Variants in CACNA1F observed in about 807,000 individuals in gnomAD.
CACNA1F encodes voltage-dependent L-type calcium channel subunit alpha-1F.
In CACNA1F, 59 loss-of-function variants were observed where a neutral mutation model predicts 143.8. That is an observed-to-expected ratio of 0.41 (90% confidence interval 0.33 to 0.51). The LOEUF (loss-of-function observed/expected upper bound fraction) is 0.51. Ranked by LOEUF, CACNA1F falls within the 20% of genes least tolerant of loss-of-function variation. CACNA1F has a pLI of 0.22. For synonymous variants in CACNA1F, 643 were observed against 649.1 expected, an observed-to-expected ratio of 0.99 and a Z score of 0.14; for missense variants, 1,411 against 1,647.5, an observed-to-expected ratio of 0.86 and a Z score of 2.48.
Position 49,206,553 on chromosome X carries a change from G to T in CACNA1F, c.5430C>A (p.Gly1810=). Residue 1810 remains glycine, a synonymous_variant, in exon 46 of 48, where the codon GGC becomes GGA. Coordinates refer to ENST00000323022, the MANE Select transcript of CACNA1F (RefSeq NM_001256789.3). The part of the protein sequence containing the change: ...QGSCEDLPIP[G]TYHRGRNSGP... Reference sequence around the variant, plus strand: ...CTGAATTTCGCCCACGATGATAGGTGCCTGGGATGGGTAAATCCTCACAAC... The same window carrying T: ...CTGAATTTCGCCCACGATGATAGGTTCCTGGGATGGGTAAATCCTCACAAC... The T allele has an allele frequency of 2.5e-6, 3 of 1,210,804 alleles. No individual in the cohort carries two copies. The highest frequency in any genetic ancestry group is 4.6e-4 in the Middle Eastern group (2 of 4,349).
chrX:49,205,494 G>A (rs1319601844), intron 47 of CACNA1F, 122 bp downstream of exon 47: 12 of 854,600 alleles, frequency 1.4e-5, no homozygotes, highest in Non-Finnish European at 1.7e-5. Context: ...AGCAGAGGTC[G>A]TAGGGCAAAG....
Position 49,221,623 on chromosome X carries a change from C to A in CACNA1F, c.2289-543G>T, listed in dbSNP as rs186446085. Among the ~76,000 whole-genome samples, 29 of 107,899 alleles carry A rather than the reference C, an allele frequency of 2.7e-4. 1 individual carries two copies. The East Asian group carries it at 8.8e-3, about 33-fold the overall frequency. The allele number at this position is 107,899 out of a possible 115,157, so 93.7% of individuals were successfully genotyped here. On this transcript the variant is annotated intron_variant, in intron 17 of 47. Coordinates refer to ENST00000323022, the MANE Select transcript of CACNA1F (RefSeq NM_001256789.3). ...CAGGTGATCCACCCTCCTCGGCCTC[C>A]CAAAGTGCTGGGATTACAGGCGTGA...
Position 49,205,111 on chromosome X carries a change from T to C in CACNA1F, c.*26A>G. ...TGGGGAGGGGAGGGCAGGAGGTTTATTGAGCAGTTGGGGAGGGGTGGGAAT... is the reference window on the plus strand; with the variant it reads ...TGGGGAGGGGAGGGCAGGAGGTTTACTGAGCAGTTGGGGAGGGGTGGGAAT... On this transcript the variant is annotated 3_prime_UTR_variant, in exon 48 of 48. Transcript: ENST00000323022. 1 of 1,091,892 alleles carries C rather than the reference T, an allele frequency of 9.2e-7. No homozygotes were observed. 90.0% of individuals were successfully genotyped at this position (1,091,892 alleles called of 1,213,427 possible). A position where few individuals can be genotyped will look rare whatever the true frequency, so the allele number is the denominator to read the frequency against.
Position 49,222,532 on chromosome X carries a change from C to T in CACNA1F, c.2278G>A (p.Asp760Asn), listed in dbSNP as rs782521084. ...LASGDAGTAK[D>N]KGGEKSNEKD... is the part of the protein sequence containing the mutation. ...GGAGCCAGATCTCACCCGCCCTTGT[C>T]CTTGGCAGTGCCTGCATCTCCACTG... is the stretch of plus-strand genomic sequence containing the variant. The change falls in exon 17 of 48, where the codon GAC becomes AAC. Residue 760 changes from aspartate to asparagine, a missense_variant. Asp to Asn is a conservative substitution (Grantham distance 23). Coordinates refer to ENST00000323022, the MANE Select transcript of CACNA1F (RefSeq NM_001256789.3). The T allele has an allele frequency of 1.7e-6, 2 of 1,208,971 alleles. No homozygotes were observed. Among genetic ancestry groups the T allele is most frequent in the Non-Finnish European group, 2.2e-6 (2 of 893,385 alleles).
At chrX:49,231,011 G>T in intron 3 of CACNA1F, 22 bp from the exon 4 acceptor site, 3 of 1,096,294 alleles carry the variant, frequency 2.7e-6, no homozygotes, top group Admixed American at 2.2e-5. Flanking sequence ...ACCGGGGGGC[G>T]GGTCGGGAAG....
At chrX:49,222,670 C>G in intron 16 of CACNA1F, 48 bp downstream of exon 16, 1 of 1,209,348 alleles carries the variant, frequency 8.3e-7, no homozygotes, top group Non-Finnish European at 1.1e-6. Flanking sequence ...GTTCCCCTTA[C>G]CCACCCCGAC....
intron 37 of CACNA1F, 81 bp from the exon 38 acceptor site, chrX:49,210,767 C>A: frequency 1.1e-6 from 1 of 902,178 alleles, no homozygotes. Context: ...TCATCACTAC[C>A]TCCTCCTACC....
Position 49,229,939 on chromosome X carries a change from T to TGTCTTAAGTGCGGGGCACTTGCACTTAA in CACNA1F, c.817+253_817+280dup, listed in dbSNP as rs782783487. Among the ~76,000 whole-genome samples, 164 of 112,565 alleles carry TGTCTTAAGTGCGGGGCACTTGCACTTAA rather than the reference T, an allele frequency of 1.5e-3. 1 individual carries two copies. Among genetic ancestry groups the TGTCTTAAGTGCGGGGCACTTGCACTTAA allele is most frequent in the Non-Finnish European group, 2.7e-3 (142 of 53,273 alleles). ...TGCTGGGATTACAGGCGCAGAGTCT[T>TGTCTTAAGTGCGGGGCACTTGCACTTAA]GTCTTAAGTGCGGGGCACTTGCACT... On this transcript the variant is annotated intron_variant, in intron 6 of 47. Transcript: ENST00000323022.
At chrX:49,214,535 A>G (rs1279386377) in intron 29 of CACNA1F, among the ~76,000 whole-genome samples, 5 of 112,438 alleles carry the variant, frequency 4.4e-5, no homozygotes, top group Non-Finnish European at 9.4e-5. Flanking sequence ...TGTAAAAAAA[A>G]TTTTGCTTTC....
At chrX:49,233,225 G>A (rs1557111673) in intron 1 of CACNA1F, 60 bp downstream of exon 1, 2 of 1,178,597 alleles carry the variant, frequency 1.7e-6, no homozygotes, top group Admixed American at 2.2e-5. Flanking sequence ...TGGGCAATGG[G>A]TGGGTCAGAG....
rs782717898 is a variant in CACNA1F, at chrX:49,222,709, C to G, written c.2206+9G>C. 8 of 1,209,838 alleles carry G rather than the reference C, an allele frequency of 6.6e-6. No individual in the cohort carries two copies. Among genetic ancestry groups the G allele is most frequent in the Non-Finnish European group, 8.9e-6 (8 of 895,127 alleles). On this transcript the variant is annotated intron_variant, in intron 16 of 47. Transcript: ENST00000323022. ...ACCATCATCCAGCCCCACAAAGCTCCAAGGATACAGTTGCCACAGATGAAG... is the reference window on the plus strand; with the variant it reads ...ACCATCATCCAGCCCCACAAAGCTCGAAGGATACAGTTGCCACAGATGAAG...
chrX:49,206,793 C>G lies in CACNA1F; in HGVS notation c.5294G>C (p.Arg1765Thr). ...GTGCCCATCCATGTATCTCTGAGCT[C>G]TGTGAGGTGGCAAAAGGACTGAGCA... ...PPCSVLLPPHRAQRYMDGHLV... is the reference protein window; with the variant it reads ...PPCSVLLPPHTAQRYMDGHLV... Residue 1765 changes from arginine to threonine, a missense_variant, in exon 45 of 48, where the codon AGA becomes ACA. By Grantham distance (71) the Arg-to-Thr change is moderately conservative. This residue lies in a region of CACNA1F where 349 missense variants were observed against 350.2 expected (regional missense o/e 1.00). Transcript: ENST00000323022. 8.3e-7 allele frequency: 1 copy of G among 1,208,638 alleles called. No homozygotes were observed. Among genetic ancestry groups the G allele is most frequent in the Admixed American group, 2.2e-5 (1 of 45,945 alleles).
In CACNA1F at chrX:49,227,323, C is replaced by CT. The variant is rs1557110305; in HGVS notation, c.1119-197dup. Reference sequence around the variant, plus strand: ...ACCACATGGTGCACCCACCTCATCTCTTTTTTTTTCTTTTCCCCAGATACA... The same window carrying CT: ...ACCACATGGTGCACCCACCTCATCTCTTTTTTTTTTCTTTTCCCCAGATACA... On this transcript the variant is annotated intron_variant, in intron 8 of 47. Transcript: ENST00000323022. Among the ~76,000 whole-genome samples, 9 of 110,360 alleles carry CT rather than the reference C, an allele frequency of 8.2e-5. No homozygotes were observed. In the South Asian group the frequency reaches 1.1e-3, roughly 14 times the overall value.
intron 27 of CACNA1F, 129 bp downstream of exon 27, chrX:49,216,253 C>T: frequency 1.4e-6 from 1 of 693,912 alleles, no homozygotes; most frequent in Non-Finnish European, 2.2e-6. Context: ...TCCAGAAAAC[C>T]CTATCCAGTC....
At chrX:49,221,791 C>T (rs112394686) in intron 17 of CACNA1F, among the ~76,000 whole-genome samples, 9,612 of 106,427 alleles carry the variant, frequency 0.09, 1,180 homozygotes, top group African/African-American at 0.31. Context: ...ACCAGCCTTG[C>T]CAACATGGTG....
In CACNA1F at chrX:49,211,402, C is replaced by G. The variant is rs35212576; in HGVS notation, c.4180G>C (p.Gly1394Arg). The change falls in exon 36 of 48, where the codon GGC (glycine) becomes CGC (arginine). Residue 1394 changes from glycine (G) to arginine (R), a missense_variant. Transcript: ENST00000323022. ...CCACAGGTAAACTCTTCACCAGGGCCGAAGTCAGACTCAGGATCACACCGA... is the reference window on the plus strand; with the variant it reads ...CCACAGGTAAACTCTTCACCAGGGCGGAAGTCAGACTCAGGATCACACCGA... ...GNRCDPESDFGPGEEFTCGSN... is the reference protein window; with the variant it reads ...GNRCDPESDFRPGEEFTCGSN... The G allele has an allele frequency of 2.7e-5, 32 of 1,207,469 alleles. No individual in the cohort carries two copies. In the East Asian group the frequency reaches 8.9e-4, roughly 34 times the overall value.
intron 47 of CACNA1F, 79 bp from the exon 48 acceptor site, chrX:49,205,446 A>G: frequency 1.2e-6 from 1 of 868,660 alleles, no homozygotes; most frequent in Non-Finnish European, 1.7e-6. Flanking sequence ...TGACGTGCCC[A>G]TGAGGGCATG....
intron 6 of CACNA1F, among the ~76,000 whole-genome samples, chrX:49,228,918 C>T (rs1467580825): frequency 8.9e-6 from 1 of 112,042 alleles, no homozygotes; most frequent in Non-Finnish European, 1.9e-5. Flanking sequence ...GGGCAGAACC[C>T]TGCGAGCTCC....
In CACNA1F at chrX:49,218,483, C is replaced by T. The variant is rs1246493051; in HGVS notation, c.2900G>A (p.Arg967Gln). ...LRVLRVLRPLRAINRAKGLKH... is the reference protein window; with the variant it reads ...LRVLRVLRPLQAINRAKGLKH... ...GAGTCCCTTGGCCCTGTTGATGGCT[C>T]GGAGGGGCCGCAGTACTCGGAGTAC... The change falls in exon 24 of 48, where the codon CGA (arginine) becomes CAA (glutamine). Residue 967 changes from arginine (R) to glutamine (Q), a missense_variant. Arg to Gln is a conservative substitution (Grantham distance 43). Transcript: ENST00000323022. The T allele has an allele frequency of 8.5e-7, 1 of 1,181,974 alleles. No individual in the cohort carries two copies. Among genetic ancestry groups the T allele is most frequent in the South Asian group, 1.9e-5 (1 of 53,453 alleles).
Sources: gnomAD v4.1 joint callset for allele counts (sites outside exome capture counted in the v4.1 genomes callset) on GRCh38, gnomAD v4.1.1 for gene constraint, gnomAD v4.1.1 regional missense constraint, MANE v1.5 for transcripts, NCBI Gene and HGNC (gene_info 2026-07-23, HGNC 2026-07-21) for gene names.